PSMB7: variants seen among roughly 807,000 people sequenced by gnomAD.
PSMB7 encodes proteasome subunit beta type-7.
A neutral mutation model predicts 28.1 loss-of-function variants in PSMB7; 5 were observed. The ratio of observed to expected loss-of-function variants is 0.18; its 90% CI spans 0.09 to 0.37. PSMB7 has a LOEUF of 0.37. PSMB7 is among the 10% of genes least tolerant of loss of function. PSMB7 has a pLI of 1.00. For synonymous variants in PSMB7, 122 were observed against 123.7 expected (o/e 0.99, Z 0.09); for missense variants, 275 against 346.2 (o/e 0.79, Z 1.63).
chr9:124,410,259 G>A (rs1831016048), intron 4 of PSMB7, among the ~76,000 whole-genome samples: 1 of 152,104 alleles, frequency 6.6e-6, no homozygotes, highest in African/African-American at 2.4e-5. Flanking sequence ...CCCCCAAAGT[G>A]CTGAGATTAC....
intron 6 of PSMB7, among the ~76,000 whole-genome samples, chr9:124,384,371 A>G (rs1830698346): frequency 6.6e-6 from 1 of 152,194 alleles, no homozygotes; most frequent in Non-Finnish European, 1.5e-5. Context: ...CAAAGCCCAG[A>G]GCAAAAAGCT....
At chr9:124,382,196 TTC>T (rs1379938725) in intron 6 of PSMB7, among the ~76,000 whole-genome samples, 23 of 122,816 alleles carry the variant, frequency 1.9e-4, no homozygotes, top group Non-Finnish European at 2.5e-4. Context: ...TCTCTCTCTT[TTC>T]TCTTTTTTTT....
chr9:124,375,425 G>A (rs1301524665), intron 6 of PSMB7, among the ~76,000 whole-genome samples: 1 of 152,116 alleles, frequency 6.6e-6, no homozygotes, highest in African/African-American at 2.4e-5. Flanking sequence ...TGGCCTCCCA[G>A]CATGCTGGGA....
At chr9:124,407,312 T>C (rs922160391) in intron 4 of PSMB7, among the ~76,000 whole-genome samples, 8 of 152,238 alleles carry the variant, frequency 5.3e-5, no homozygotes, top group African/African-American at 1.7e-4. Flanking sequence ...CAAATTGTTA[T>C]TTCATTTGTA....
At chr9:124,407,837 C>T (rs1004927588) in intron 4 of PSMB7, among the ~76,000 whole-genome samples, 1 of 152,114 alleles carries the variant, frequency 6.6e-6, no homozygotes, top group Non-Finnish European at 1.5e-5. Context: ...TACAACAGAA[C>T]ATCACCCAAT....
At chr9:124,369,637 A>G (rs1036752740) in intron 6 of PSMB7, among the ~76,000 whole-genome samples, 2 of 152,160 alleles carry the variant, frequency 1.3e-5, no homozygotes, top group Non-Finnish European at 2.9e-5. Context: ...AACTTTAGAC[A>G]CTGTCTGCCA....
chr9:124,409,254 G>T lies in PSMB7; in HGVS notation c.395+3098C>A, dbSNP rs183147470. Reference sequence around the variant, plus strand: ...AGAGTGATGCTCCCTGAATGGCAAAGTTTTCATTTTGTTCTTTGGGCTTTT... The same window carrying T: ...AGAGTGATGCTCCCTGAATGGCAAATTTTTCATTTTGTTCTTTGGGCTTTT... On this transcript the variant is annotated intron_variant, in intron 4 of 7. Coordinates refer to ENST00000259457, the MANE Select transcript of PSMB7 (RefSeq NM_002799.4). Among the ~76,000 whole-genome samples, 445 of 152,210 alleles carry T rather than the reference G, an allele frequency of 2.9e-3. 4 individuals are homozygous for T. The highest frequency in any genetic ancestry group is 0.01 in the African/African-American group (422 of 41,540).
At chr9:124,394,130 A>T (rs565075088) in intron 5 of PSMB7, among the ~76,000 whole-genome samples, 4 of 152,212 alleles carry the variant, frequency 2.6e-5, no homozygotes, top group Admixed American at 2.6e-4. Flanking sequence ...TATTATTTTC[A>T]TTGTATGGAT....
At chr9:124,365,361 A>G (rs1490966144) in intron 6 of PSMB7, among the ~76,000 whole-genome samples, 2 of 152,218 alleles carry the variant, frequency 1.3e-5, no homozygotes, top group Non-Finnish European at 2.9e-5. Flanking sequence ...GTCTTGTAAT[A>G]CAAGTGAAAG....
In PSMB7 at chr9:124,361,818, C is replaced by T. The variant is rs192883423; in HGVS notation, c.571-4903G>A. 7.0e-4 allele frequency among the ~76,000 whole-genome samples: 106 copies of T among 152,316 alleles called. 2 individuals are homozygous for T. The South Asian group carries it at 0.011, about 16-fold the overall frequency. On this transcript the variant is annotated intron_variant, in intron 6 of 7. Coordinates refer to ENST00000259457, the MANE Select transcript of PSMB7 (RefSeq NM_002799.4). The stretch of plus-strand genomic sequence containing the variant: ...ACACTCACAAACTGATAGATTACCT[C>T]GGCATCCACTATAGTGCAGGTCCAA...
intron 6 of PSMB7, among the ~76,000 whole-genome samples, chr9:124,358,309 G>C (rs890981196): frequency 1.4e-4 from 22 of 152,316 alleles, no homozygotes; most frequent in Non-Finnish European, 2.5e-4. Context: ...AGACTCAGAA[G>C]GACAGAGAAG....
intron 5 of PSMB7, among the ~76,000 whole-genome samples, chr9:124,387,719 T>G (rs1028871038): frequency 6.6e-6 from 1 of 152,164 alleles, no homozygotes; most frequent in African/African-American, 2.4e-5. Context: ...ACAGAAGTGT[T>G]TGGAGATAGA....
rs528155674 is a variant in PSMB7 at position 124,381,793 on chromosome 9, A to G, written c.570+2805T>C. Among the ~76,000 whole-genome samples the G allele has an allele frequency of 5.9e-5, 9 of 152,298 alleles. No individual in the cohort carries two copies. The East Asian group carries it at 1.5e-3, about 26-fold the overall frequency. On this transcript the variant is annotated intron_variant, in intron 6 of 7. Coordinates refer to ENST00000259457, the MANE Select transcript of PSMB7 (RefSeq NM_002799.4). ...TTCATTTAATATTCACCAAAAGCAA[A>G]CAGTGTGGTTAGCACAGTTAGTGGC...
intron 4 of PSMB7, among the ~76,000 whole-genome samples, chr9:124,407,361 C>T (rs1210613614): frequency 6.6e-6 from 1 of 152,110 alleles, no homozygotes; most frequent in African/African-American, 2.4e-5. Context: ...AAGATTTTAG[C>T]AGTAGCCTAA....
intron 6 of PSMB7, 110 bp from the exon 7 acceptor site, chr9:124,357,025 T>C (rs1830415441): frequency 1.7e-6 from 2 of 1,160,818 alleles, no homozygotes; most frequent in African/African-American, 3.1e-5. Flanking sequence ...AGACAGGTGT[T>C]GTTTTTAATG....
At chr9:124,387,313 A>G (rs529775808) in intron 5 of PSMB7, among the ~76,000 whole-genome samples, 48 of 152,332 alleles carry the variant, frequency 3.2e-4, no homozygotes, top group Admixed American at 1.3e-3. Context: ...CAAAATTTCT[A>G]TAAGTGGAAA....
chr9:124,374,469 T>A (rs563431522), intron 6 of PSMB7, among the ~76,000 whole-genome samples: 1 of 152,320 alleles, frequency 6.6e-6, no homozygotes, highest in East Asian at 1.9e-4. Context: ...CCTAAAAAAG[T>A]AGTCAAAACA....
chr9:124,415,409 A>G lies in PSMB7; in HGVS notation c.17T>C (p.Val6Ala), dbSNP rs1338640297. MAAVS[V>A]YAPPVGGFSF... is the part of the protein sequence containing the mutation. ...GAAGCCTCCAACTGGTGGAGCATACACCGACACAGCCGCCATCTTCCCAAG... is the reference window on the plus strand; with the variant it reads ...GAAGCCTCCAACTGGTGGAGCATACGCCGACACAGCCGCCATCTTCCCAAG... The change falls in exon 1 of 8, where the codon GTG becomes GCG. Residue 6 changes from valine (V) to alanine (A), a missense_variant. Val to Ala is a moderately conservative substitution (Grantham distance 64, BLOSUM62 0). Transcript: ENST00000259457. 6.8e-6 allele frequency: 11 copies of G among 1,613,986 alleles called. No homozygotes were observed. In the African/African-American group the frequency reaches 8.0e-5, roughly 12 times the overall value.
intron 5 of PSMB7, chr9:124,396,715 G>A (rs1830847016): frequency 4.4e-6 from 2 of 453,534 alleles, no homozygotes; most frequent in Non-Finnish European, 9.0e-6. Flanking sequence ...AATTCTCTAT[G>A]TGGATAAGCA....
Sources: gnomAD v4.1 joint callset for allele counts (sites outside exome capture counted in the v4.1 genomes callset) on GRCh38, gnomAD v4.1.1 for gene constraint, MANE v1.5 for transcripts, NCBI Gene and HGNC (gene_info 2026-07-23, HGNC 2026-07-21) for gene names.